Variants in CDH13 observed in about 807,000 individuals in gnomAD.
The protein encoded by CDH13 is cadherin 13.
CDH13 carries 24 observed loss-of-function variants against 63.8 expected under a neutral mutation model. That is an observed-to-expected ratio of 0.38 (90% CI 0.27 to 0.53). The LOEUF (loss-of-function observed/expected upper bound fraction) is 0.53. Ranked by LOEUF, CDH13 falls within the 20% of genes least tolerant of loss-of-function variation. CDH13 has a pLI of 0.85. For synonymous variants in CDH13, 503 were observed against 355.3 expected (o/e 1.42, Z -4.67); for missense variants, 1,049 against 903.1 (o/e 1.16, Z -2.07).
intron 1 of CDH13, chr16:82,825,418 TTTTC>T (rs1306370824): frequency 6.6e-6 from 1 of 152,046 alleles, no homozygotes; most frequent in African/African-American, 2.4e-5. Flanking sequence ...ACCTCATTCT[TTTTC>T]TTGATACTTC....
chr16:83,659,076 C>T (rs1913187455), intron 8 of CDH13, among the ~76,000 whole-genome samples: 1 of 147,898 alleles, frequency 6.8e-6, no homozygotes, highest in Non-Finnish European at 1.5e-5. Context: ...ATATCCTCAC[C>T]AGCAAGGTCC....
intron 1 of CDH13, among the ~76,000 whole-genome samples, chr16:82,819,507 A>G (rs896324422): frequency 2.0e-5 from 3 of 152,092 alleles, no homozygotes; most frequent in African/African-American, 7.2e-5. Flanking sequence ...GCTTGGCCCT[A>G]CTGGGAAGGA....
intron 2 of CDH13, among the ~76,000 whole-genome samples, chr16:82,933,191 G>T (rs1258053185): frequency 3.3e-5 from 5 of 152,084 alleles, no homozygotes; most frequent in Non-Finnish European, 7.4e-5. Flanking sequence ...AAAGAAAAGA[G>T]GTTTTAATTG....
intron 10 of CDH13, among the ~76,000 whole-genome samples, chr16:83,703,612 C>T (rs1370330160): frequency 6.6e-6 from 1 of 152,172 alleles, no homozygotes; most frequent in African/African-American, 2.4e-5. Flanking sequence ...TTTCAGGCTC[C>T]TGGAATTATT....
rs563141160 is a variant in CDH13 at position 82,985,473 on chromosome 16, A to T, written c.158-46537A>T. Among the ~76,000 whole-genome samples, 298 of 152,312 alleles carry T rather than the reference A, an allele frequency of 2.0e-3. 2 individuals are homozygous for T. Among genetic ancestry groups the T allele is most frequent in the Middle Eastern group, 0.017 (5 of 294 alleles). ...TAAATGGTGCTTTGATGACAACTGT[A>T]TTCATTAGACATATTTGTGGCTTTC... On this transcript the variant is annotated intron_variant, in intron 2 of 13. Transcript: ENST00000567109.
At chr16:83,061,305 G>A (rs751932373) in intron 3 of CDH13, among the ~76,000 whole-genome samples, 1 of 152,204 alleles carries the variant, frequency 6.6e-6, no homozygotes, top group Non-Finnish European at 1.5e-5. Context: ...AATTGAGGCT[G>A]TACATCAGGG....
intron 2 of CDH13, among the ~76,000 whole-genome samples, chr16:82,928,432 A>C (rs1321262336): frequency 1.3e-5 from 2 of 152,212 alleles, no homozygotes; most frequent in African/African-American, 4.8e-5. Context: ...GACACAGACC[A>C]TTAACTGTCA....
intron 10 of CDH13, among the ~76,000 whole-genome samples, chr16:83,703,317 C>G (rs1180236698): frequency 6.6e-6 from 1 of 152,144 alleles, no homozygotes; most frequent in Admixed American, 6.5e-5. Flanking sequence ...ACTCAGGAAA[C>G]AGATTTATGT....
intron 2 of CDH13, among the ~76,000 whole-genome samples, chr16:82,876,611 G>C (rs2040513835): frequency 6.6e-6 from 1 of 152,172 alleles, no homozygotes; most frequent in Non-Finnish European, 1.5e-5. Context: ...AAGAGGTTGG[G>C]CATTGGTCTG....
intron 1 of CDH13, among the ~76,000 whole-genome samples, chr16:82,846,510 A>T (rs1003071250): frequency 9.9e-5 from 15 of 152,192 alleles, no homozygotes; most frequent in Middle Eastern, 3.2e-3. Flanking sequence ...TGTTTTGCAG[A>T]TGAGGAAACT....
intron 5 of CDH13, among the ~76,000 whole-genome samples, chr16:83,226,279 T>C (rs11643706): frequency 0.11 from 16,633 of 152,242 alleles, 1,097 homozygotes; most frequent in Admixed American, 0.15. Context: ...TGGAGGCAGC[T>C]ACATACCTGG....
At chr16:83,381,260 A>T (rs1191668703) in intron 6 of CDH13, among the ~76,000 whole-genome samples, 1 of 152,068 alleles carries the variant, frequency 6.6e-6, no homozygotes, top group Admixed American at 6.6e-5. Context: ...ACATCTCTTT[A>T]GCCTCCACCA....
chr16:82,631,050 C>G (rs994181359), intron 1 of CDH13, among the ~76,000 whole-genome samples: 1 of 152,206 alleles, frequency 6.6e-6, no homozygotes, highest in Non-Finnish European at 1.5e-5. Context: ...CCATTTTTCA[C>G]TGTATTTATT....
chr16:82,680,414 G>A (rs1028208686), intron 1 of CDH13, among the ~76,000 whole-genome samples: 1 of 152,174 alleles, frequency 6.6e-6, no homozygotes, highest in Non-Finnish European at 1.5e-5. Flanking sequence ...AGGAGGTGCG[G>A]GTGTAAGATT....
At chr16:82,957,567 C>G (rs1355256734) in intron 2 of CDH13, among the ~76,000 whole-genome samples, 1 of 152,186 alleles carries the variant, frequency 6.6e-6, no homozygotes, top group East Asian at 1.9e-4. Flanking sequence ...CGCCCCCCTG[C>G]TATCTTCTGA....
intron 2 of CDH13, among the ~76,000 whole-genome samples, chr16:82,873,337 G>C (rs897662500): frequency 5.9e-5 from 9 of 152,188 alleles, no homozygotes; most frequent in African/African-American, 1.9e-4. Context: ...TGACTAAAGA[G>C]CCCAAGATCT....
intron 6 of CDH13, among the ~76,000 whole-genome samples, chr16:83,348,448 A>G (rs2090885140): frequency 6.6e-6 from 1 of 152,206 alleles, no homozygotes; most frequent in Non-Finnish European, 1.5e-5. Flanking sequence ...CTGAGCCTAC[A>G]TAACCAAAGG....
chr16:83,059,789 G>GTTTTTTTTTTTTTTT (rs1256608391), intron 3 of CDH13, among the ~76,000 whole-genome samples: 3 of 98,752 alleles, frequency 3.0e-5, no homozygotes, highest in African/African-American at 1.1e-4. Flanking sequence ...TTTTTTTTTT[G>GTTTTTTTTTTTTTTT]TTTGTTTTTT....
intron 3 of CDH13, among the ~76,000 whole-genome samples, chr16:83,112,192 C>G: frequency 6.6e-6 from 1 of 152,224 alleles, no homozygotes; most frequent in East Asian, 1.9e-4. Context: ...CATTTATTCA[C>G]ACATGCAACC....
Sources: gnomAD v4.1 joint callset for allele counts (sites outside exome capture counted in the v4.1 genomes callset) on GRCh38, gnomAD v4.1.1 for gene constraint, MANE v1.5 for transcripts, NCBI Gene and HGNC (gene_info 2026-07-23, HGNC 2026-07-21) for gene names.